PRP4K: variants seen among roughly 807,000 people sequenced by gnomAD.
PRP4K encodes serine/threonine-protein kinase PRP4 homolog.
chr6:4,042,439 G>A, the PRP4K span: 5 of 1,389,470 alleles, frequency 3.6e-6, no homozygotes, highest in African/African-American at 4.4e-5. Context: ...AAATGTATAA[G>A]GGGTATGGTT....
chr6:4,043,682 T>A, the PRP4K span: 11 of 858,200 alleles, frequency 1.3e-5, no homozygotes, highest in Middle Eastern at 3.2e-4. Context: ...ATTGAACCAA[T>A]AAATACCATT....
At chr6:4,042,703 G>GA in the PRP4K span, 3 of 603,332 alleles carry the variant, frequency 5.0e-6, no homozygotes, top group Non-Finnish European at 8.0e-6. Flanking sequence ...TGTGAAGTTT[G>GA]AAAAAATGAT....
the PRP4K span, among the ~76,000 whole-genome samples, chr6:4,022,057 A>ATTGTT: frequency 1.4e-5 from 2 of 147,266 alleles, no homozygotes; most frequent in African/African-American, 5.0e-5. Flanking sequence ...GTCACCCAGT[A>ATTGTT]TTGTTTTGTT....
the PRP4K span, among the ~76,000 whole-genome samples, chr6:4,021,788 T>G: frequency 2.0e-5 from 3 of 152,184 alleles, no homozygotes; most frequent in Non-Finnish European, 4.4e-5. Flanking sequence ...ATGCCTCTTT[T>G]GGGGACCCAT....
At chr6:4,056,597 G>A in the PRP4K span, 1 of 1,591,006 alleles carries the variant, frequency 6.3e-7, no homozygotes, top group Non-Finnish European at 8.5e-7. Context: ...AATGAAGGTA[G>A]TTGTGACAGG....
chr6:4,021,467 G>A, the PRP4K span: 1 of 1,582,558 alleles, frequency 6.3e-7, no homozygotes, highest in Non-Finnish European at 8.6e-7. Flanking sequence ...AGCAGCCAGA[G>A]TAAGTAGTCT....
chr6:4,060,189 T>C, the PRP4K span, among the ~76,000 whole-genome samples: 3 of 152,184 alleles, frequency 2.0e-5, no homozygotes, highest in Admixed American at 2.0e-4. The surrounding 1 kb of genome is among the most constrained non-coding windows in gnomAD (Gnocchi z 4.7). Context: ...AGTGTATGTA[T>C]GTATCTAAAC....
chr6:4,052,238 G>GT, the PRP4K span: 1 of 911,552 alleles, frequency 1.1e-6, no homozygotes, highest in African/African-American at 1.7e-5. Context: ...TTAACTTGTG[G>GT]TTAACAGCTA....
At chr6:4,046,938 G>A in the PRP4K span, among the ~76,000 whole-genome samples, 1 of 152,088 alleles carries the variant, frequency 6.6e-6, no homozygotes, top group Non-Finnish European at 1.5e-5. Context: ...GATTACAGGC[G>A]TAAGCCACCA....
chr6:4,056,898 A>C, the PRP4K span: 6 of 1,101,068 alleles, frequency 5.4e-6, no homozygotes, highest in African/African-American at 9.5e-5. Context: ...AGAACACAAA[A>C]CTAATTGTCA....
At chr6:4,049,243 C>A in the PRP4K span, 1 of 753,838 alleles carries the variant, frequency 1.3e-6, no homozygotes, top group Non-Finnish European at 2.1e-6. Flanking sequence ...GTGGCACATC[C>A]AACAGCTGCA....
At chr6:4,043,904 C>T in the PRP4K span, 9 of 1,614,202 alleles carry the variant, frequency 5.6e-6, no homozygotes, top group Non-Finnish European at 7.6e-6. Context: ...TCACCATCTC[C>T]AGATGACATT....
chr6:4,035,723 T>C, the PRP4K span, among the ~76,000 whole-genome samples: 5 of 152,052 alleles, frequency 3.3e-5, no homozygotes, highest in Admixed American at 6.6e-5. Flanking sequence ...TTCCAGCACT[T>C]TGGGGAGGCT....
At chr6:4,056,512 T>C in the PRP4K span, 7 of 1,609,658 alleles carry the variant, frequency 4.3e-6, no homozygotes, top group Non-Finnish European at 8.5e-7. Context: ...AGCACTGTTT[T>C]CCATCACACT....
the PRP4K span, chr6:4,032,397 T>A: frequency 6.2e-7 from 1 of 1,613,764 alleles, no homozygotes; most frequent in Non-Finnish European, 8.5e-7. Context: ...AAAATCCAGA[T>A]CCCCAGTTGA....
At chr6:4,030,255 T>C in the PRP4K span, among the ~76,000 whole-genome samples, 25 of 152,202 alleles carry the variant, frequency 1.6e-4, no homozygotes, top group Non-Finnish European at 3.5e-4. Flanking sequence ...TACATCTGTT[T>C]TCCTGCCGCG....
the PRP4K span, among the ~76,000 whole-genome samples, chr6:4,037,983 T>A: frequency 6.6e-6 from 1 of 152,124 alleles, no homozygotes; most frequent in African/African-American, 2.4e-5. Context: ...CCTATTTAAT[T>A]TGCCATAGAA....
At chr6:4,027,433 G>A in the PRP4K span, among the ~76,000 whole-genome samples, 1 of 152,146 alleles carries the variant, frequency 6.6e-6, no homozygotes, top group Non-Finnish European at 1.5e-5. Context: ...TTGTCATGTT[G>A]GAGGCAGCAT....
chr6:4,024,757 C>T, the PRP4K span, among the ~76,000 whole-genome samples: 9 of 152,142 alleles, frequency 5.9e-5, no homozygotes, highest in South Asian at 2.1e-4. Flanking sequence ...CACGCACCAC[C>T]ATGCCGTGCT....
Sources: gnomAD v4.1 joint callset for allele counts (sites outside exome capture counted in the v4.1 genomes callset) on GRCh38, gnomAD v4.1.1 for gene constraint, Gnocchi (gnomAD v3.1) non-coding constraint, MANE v1.5 for transcripts, NCBI Gene and HGNC (gene_info 2026-07-23, HGNC 2026-07-21) for gene names.